Variants in ATP10B observed in about 807,000 individuals in gnomAD.
The protein encoded by ATP10B is phospholipid-transporting ATPase VB.
A neutral mutation model predicts 141.2 loss-of-function variants in ATP10B; 122 were observed. The observed-to-expected ratio is 0.86, with a 90% CI of 0.75 to 1.00. ATP10B has a LOEUF of 1.00. Among genes scored for constraint, ATP10B ranks in the 50% least tolerant of loss-of-function variants. The pLI is 0.00. For synonymous variants in ATP10B, 685 were observed against 692.0 expected (o/e 0.99, Z 0.16); for missense variants, 1,876 against 1,825.3 (o/e 1.03, Z -0.51).
In ATP10B at chr5:160,670,585, G is replaced by A. The variant is rs1762623007; in HGVS notation, c.553C>T (p.Pro185Ser). ...GAAAAAAGGAGGAGTATGTCTGCTGGGACAATCTCATTGCATTTCATTTGG... is the reference window on the plus strand; with the variant it reads ...GAAAAAAGGAGGAGTATGTCTGCTGAGACAATCTCATTGCATTTCATTTGG... ...FIQMKCNEIV[P>S]ADILLLFSSD... Residue 185 changes from proline (P) to serine (S), a missense_variant, in exon 7 of 26, where the codon CCA becomes TCA. Coordinates refer to ENST00000327245, the MANE Select transcript of ATP10B (RefSeq NM_025153.3). The A allele has an allele frequency of 4.3e-6, 7 of 1,613,808 alleles. No individual in the cohort carries two copies. Among genetic ancestry groups the A allele is most frequent in the East Asian group, 4.5e-5 (2 of 44,886 alleles).
intron 25 of ATP10B, among the ~76,000 whole-genome samples, chr5:160,567,591 C>G (rs1317261530): frequency 6.6e-6 from 1 of 152,034 alleles, no homozygotes; most frequent in African/African-American, 2.4e-5. Context: ...ACACAGTAAC[C>G]TTTTAAAGCT....
Position 160,565,374 on chromosome 5 carries a change from TGAA to T in ATP10B, c.*76_*78del, listed in dbSNP as rs1639271780. The T allele has an allele frequency of 1.2e-5, 16 of 1,377,236 alleles. No individual in the cohort carries two copies. Among genetic ancestry groups the T allele is most frequent in the Middle Eastern group, 1.9e-4 (1 of 5,238 alleles). 85.3% of individuals were successfully genotyped at this position (1,377,236 alleles called of 1,614,324 possible). A position where few individuals can be genotyped will look rare whatever the true frequency, so the allele number is the denominator to read the frequency against. On this transcript the variant is annotated 3_prime_UTR_variant, in exon 26 of 26. Coordinates refer to ENST00000327245, the MANE Select transcript of ATP10B (RefSeq NM_025153.3). ...TAAGACTGGCACATTGTTTCCTCTA[TGAA>T]GAAGAAGGGGTCAAGGGTTATGTGG... is the stretch of plus-strand genomic sequence containing the variant.
At chr5:160,640,684 A>T in intron 9 of ATP10B, 92 bp from the exon 10 acceptor site, 1 of 1,498,612 alleles carries the variant, frequency 6.7e-7, no homozygotes. Context: ...AGCTTAAGAT[A>T]AAAGAGAGGC....
chr5:160,830,991 A>ACATT (rs1554122997), intron 1 of ATP10B, among the ~76,000 whole-genome samples: 2 of 150,686 alleles, frequency 1.3e-5, no homozygotes, highest in Non-Finnish European at 3.0e-5. Flanking sequence ...ACACACACAC[A>ACATT]CACACACAGA....
intron 2 of ATP10B, among the ~76,000 whole-genome samples, chr5:160,723,058 A>G (rs1766091566): frequency 6.6e-6 from 1 of 152,232 alleles, no homozygotes; most frequent in South Asian, 2.1e-4. Context: ...CATCTAACCT[A>G]TCTGTGGTTC....
At chr5:160,836,670 C>T (rs1775454905) in intron 1 of ATP10B, among the ~76,000 whole-genome samples, 1 of 152,062 alleles carries the variant, frequency 6.6e-6, no homozygotes, top group African/African-American at 2.4e-5. Context: ...TATTTTTCTC[C>T]ACAAGTTTCC....
At chr5:160,584,160 C>T (rs1362802761) in intron 24 of ATP10B, among the ~76,000 whole-genome samples, 4 of 152,160 alleles carry the variant, frequency 2.6e-5, no homozygotes, top group Non-Finnish European at 4.4e-5. Flanking sequence ...CCAGGGCCCT[C>T]GTGGTGTAGG....
At chr5:160,749,540 C>T (rs545434757) in intron 2 of ATP10B, among the ~76,000 whole-genome samples, 10 of 152,214 alleles carry the variant, frequency 6.6e-5, no homozygotes, top group South Asian at 6.2e-4. Context: ...GTGGGGCTCA[C>T]GACTGTCACT....
At chr5:160,880,106 TAA>T in the ATP10B span, among the ~76,000 whole-genome samples, 2 of 148,914 alleles carry the variant, frequency 1.3e-5, no homozygotes, top group African/African-American at 2.4e-5. Context: ...GAAACTATTA[TAA>T]AAGAAATTAT....
intron 1 of ATP10B, among the ~76,000 whole-genome samples, chr5:160,832,729 A>T (rs1775176439): frequency 6.6e-6 from 1 of 152,146 alleles, no homozygotes; most frequent in African/African-American, 2.4e-5. Flanking sequence ...CGACACAAAA[A>T]TACCTAAATA....
At chr5:160,812,567 G>C (rs1318528470) in intron 1 of ATP10B, among the ~76,000 whole-genome samples, 1 of 152,078 alleles carries the variant, frequency 6.6e-6, no homozygotes, top group Non-Finnish European at 1.5e-5. Flanking sequence ...ATAATTAAAA[G>C]GAATCAAGCA....
Position 160,569,680 on chromosome 5 carries a change from T to G in ATP10B, c.3754A>C (p.Ile1252Leu). The change falls in exon 25 of 26, where the codon ATT becomes CTT. Residue 1252 changes from isoleucine (I) to leucine (L), a missense_variant. By Grantham distance (5) the Ile-to-Leu change is conservative. Transcript: ENST00000327245. ...HQAMEMKTWT[I>L]FHGVVLLGSF... Reference sequence around the variant, plus strand: ...CCGAGGAGCACGACTCCGTGGAAAATGGTCTGTGGAGGGAAATAAGCAAAC... The same window carrying G: ...CCGAGGAGCACGACTCCGTGGAAAAGGGTCTGTGGAGGGAAATAAGCAAAC... 1 of 1,565,016 alleles carries G rather than the reference T, an allele frequency of 6.4e-7. No homozygotes were observed. The highest frequency in any genetic ancestry group is 8.6e-7 in the Non-Finnish European group (1 of 1,157,134).
the ATP10B span, among the ~76,000 whole-genome samples, chr5:160,906,791 G>T: frequency 2.8e-4 from 42 of 152,278 alleles, no homozygotes; most frequent in African/African-American, 9.9e-4. Flanking sequence ...ATCTTGTGAC[G>T]ATAAGGTACA....
chr5:160,850,918 A>T (rs1753769966), intron 1 of ATP10B, among the ~76,000 whole-genome samples: 1 of 152,244 alleles, frequency 6.6e-6, no homozygotes, highest in Admixed American at 6.5e-5. Flanking sequence ...TGTTATTAAG[A>T]GTAATTATAG....
intron 2 of ATP10B, among the ~76,000 whole-genome samples, chr5:160,719,490 G>T (rs1277855995): frequency 1.3e-5 from 2 of 152,224 alleles, no homozygotes; most frequent in Non-Finnish European, 2.9e-5. Context: ...GTGTTTGTAT[G>T]CCTTGCCTTG....
chr5:160,907,183 C>CTTCA, the ATP10B span, among the ~76,000 whole-genome samples: 29 of 152,092 alleles, frequency 1.9e-4, no homozygotes, highest in Non-Finnish European at 3.5e-4. Context: ...GTTCTTCGGC[C>CTTCA]TTCATGCAGG....
intron 13 of ATP10B, among the ~76,000 whole-genome samples, chr5:160,631,583 AT>A (rs1268006309): frequency 6.6e-6 from 1 of 152,278 alleles, no homozygotes; most frequent in African/African-American, 2.4e-5. Context: ...CAAAAAGTAT[AT>A]TCTTCCATTT....
the ATP10B span, among the ~76,000 whole-genome samples, chr5:160,886,198 A>G: frequency 6.6e-6 from 1 of 152,218 alleles, no homozygotes; most frequent in African/African-American, 2.4e-5. Context: ...AAGCAAGGAC[A>G]TGAGAAACAA....
chr5:160,876,901 C>T, the ATP10B span, among the ~76,000 whole-genome samples: 1 of 141,184 alleles, frequency 7.1e-6, no homozygotes, highest in Non-Finnish European at 1.6e-5. Context: ...CAATAGTTTA[C>T]CAACCAAAAA....
Sources: allele counts gnomAD v4.1 joint callset (sites outside exome capture counted in the v4.1 genomes callset), GRCh38; gene constraint gnomAD v4.1.1; transcripts MANE v1.5; gene names NCBI Gene and HGNC (gene_info 2026-07-23, HGNC 2026-07-21).